CTNND2: variants seen among roughly 807,000 people sequenced by gnomAD.
The protein encoded by CTNND2 is catenin delta-2.
Under a neutral mutation model 144.4 loss-of-function variants are expected in CTNND2, and 22 were observed. The ratio of observed to expected loss-of-function variants is 0.15; its 90% confidence interval spans 0.11 to 0.22. The LOEUF (loss-of-function observed/expected upper bound fraction) is 0.22, where lower values mean the gene tolerates loss of function less well. Among genes scored for constraint, CTNND2 ranks in the 10% least tolerant of loss-of-function variants. The pLI is 1.00. For synonymous variants in CTNND2, 751 were observed against 695.6 expected (o/e 1.08, Z -1.25); for missense variants, 1,353 against 1,618.8 (o/e 0.84, Z 2.82).
At chr5:11,147,228 C>T (rs1186884769) in intron 12 of CTNND2, among the ~76,000 whole-genome samples, 1 of 152,142 alleles carries the variant, frequency 6.6e-6, no homozygotes, top group Non-Finnish European at 1.5e-5. Context: ...AAGAATATCC[C>T]TCCAAATTGT....
chr5:11,781,900 AC>A (rs1478265509), intron 1 of CTNND2, among the ~76,000 whole-genome samples: 1 of 152,248 alleles, frequency 6.6e-6, no homozygotes, highest in Admixed American at 6.5e-5. Context: ...ATGTGCCTAT[AC>A]TTGGGCATCA....
chr5:10,990,597 C>T (rs1738566823), intron 19 of CTNND2, among the ~76,000 whole-genome samples: 1 of 152,176 alleles, frequency 6.6e-6, no homozygotes, highest in Admixed American at 6.5e-5. Context: ...ATTTTAAAAC[C>T]TGTTGACCAC....
At chr5:11,185,444 TA>T (rs1309530199) in intron 11 of CTNND2, among the ~76,000 whole-genome samples, 3 of 152,234 alleles carry the variant, frequency 2.0e-5, no homozygotes, top group Non-Finnish European at 4.4e-5. Context: ...GGTCACCTTC[TA>T]AGCAGTCCCA....
At chr5:11,283,755 A>C (rs1747431437) in intron 9 of CTNND2, among the ~76,000 whole-genome samples, 1 of 151,060 alleles carries the variant, frequency 6.6e-6, no homozygotes, top group East Asian at 2.0e-4. Flanking sequence ...TGAAGAAGCT[A>C]ATTTAAACAA....
At chr5:11,632,845 C>T (rs1440474358) in intron 2 of CTNND2, among the ~76,000 whole-genome samples, 2 of 151,976 alleles carry the variant, frequency 1.3e-5, no homozygotes, top group Non-Finnish European at 2.9e-5. Flanking sequence ...TTAAGAAGTA[C>T]AATAGCTGAG....
At chr5:11,001,397 T>C (rs938445421) in intron 18 of CTNND2, among the ~76,000 whole-genome samples, 2 of 152,206 alleles carry the variant, frequency 1.3e-5, no homozygotes, top group Non-Finnish European at 2.9e-5. Flanking sequence ...ACTTTAGCAA[T>C]GCAGGCTGTC....
intron 3 of CTNND2, among the ~76,000 whole-genome samples, chr5:11,559,473 T>C (rs185212936): frequency 1.8e-4 from 27 of 152,352 alleles, no homozygotes; most frequent in African/African-American, 6.5e-4. Flanking sequence ...CGCTTTAAAC[T>C]GTGATCCCTT....
chr5:11,309,918 G>A (rs928829984), intron 9 of CTNND2, among the ~76,000 whole-genome samples: 3 of 151,994 alleles, frequency 2.0e-5, no homozygotes, highest in African/African-American at 7.3e-5. Context: ...TTCTTTTCCT[G>A]CCATGTAAGA....
chr5:11,520,477 G>C (rs1380029980), intron 3 of CTNND2, among the ~76,000 whole-genome samples: 3 of 152,246 alleles, frequency 2.0e-5, no homozygotes, highest in Admixed American at 1.3e-4. Context: ...CATGGGGGCA[G>C]AGTGAGGTGC....
At chr5:11,233,317 C>T (rs1013035099) in intron 10 of CTNND2, among the ~76,000 whole-genome samples, 2 of 152,178 alleles carry the variant, frequency 1.3e-5, no homozygotes, top group African/African-American at 2.4e-5. Flanking sequence ...ATGTTCTTGG[C>T]TTTATTATAT....
chr5:11,500,797 G>T (rs1770457064), intron 3 of CTNND2, among the ~76,000 whole-genome samples: 4 of 152,140 alleles, frequency 2.6e-5, no homozygotes, highest in Admixed American at 1.3e-4. Flanking sequence ...AGTAGATTAT[G>T]ATTTTATGTG....
chr5:11,816,526 T>A (rs1374094922), intron 1 of CTNND2, among the ~76,000 whole-genome samples: 1 of 149,454 alleles, frequency 6.7e-6, no homozygotes, highest in Non-Finnish European at 1.5e-5. Context: ...TTGGCTGGTG[T>A]TAGCATAACG....
chr5:11,579,534 C>T (rs761132092), intron 2 of CTNND2, among the ~76,000 whole-genome samples: 1 of 152,130 alleles, frequency 6.6e-6, no homozygotes, highest in Non-Finnish European at 1.5e-5. Flanking sequence ...AAAAGATTCA[C>T]ATTTAATCCA....
At chr5:11,411,883 T>C (rs985656586) in intron 4 of CTNND2, 152 bp downstream of exon 4, 10 of 715,512 alleles carry the variant, frequency 1.4e-5, no homozygotes, top group Admixed American at 5.1e-5. Flanking sequence ...TAACTCTCAA[T>C]AAATTGTGAA....
chr5:11,056,353 T>A (rs886322924), intron 16 of CTNND2, among the ~76,000 whole-genome samples: 5 of 152,208 alleles, frequency 3.3e-5, no homozygotes, highest in African/African-American at 1.2e-4. Flanking sequence ...AGAAAACAAA[T>A]GGAAATGAAT....
chr5:11,577,284 G>A (rs17220438), intron 2 of CTNND2, among the ~76,000 whole-genome samples: 1,526 of 152,348 alleles, frequency 0.01, 10 homozygotes, highest in Non-Finnish European at 0.015. Context: ...GCTGAATGAC[G>A]CAGTCAGGGA....
intron 1 of CTNND2, among the ~76,000 whole-genome samples, chr5:11,852,938 T>C (rs949671242): frequency 1.3e-5 from 2 of 152,228 alleles, no homozygotes; most frequent in African/African-American, 4.8e-5. Context: ...GACTGTCTTT[T>C]ACTTGCCTGT....
chr5:10,975,671 G>A (rs1736375988), intron 21 of CTNND2, among the ~76,000 whole-genome samples: 1 of 152,224 alleles, frequency 6.6e-6, no homozygotes, highest in Non-Finnish European at 1.5e-5. Flanking sequence ...TTGGAGGACA[G>A]GCCTCAAGGA....
intron 21 of CTNND2, among the ~76,000 whole-genome samples, chr5:10,980,186 G>T (rs559599512): frequency 7.3e-5 from 11 of 151,252 alleles, no homozygotes; most frequent in Admixed American, 7.3e-4. Flanking sequence ...AATCTATAAA[G>T]AACTTAAACA....
Sources: allele counts gnomAD v4.1 joint callset (sites outside exome capture counted in the v4.1 genomes callset), GRCh38; gene constraint gnomAD v4.1.1; transcripts MANE v1.5; gene names NCBI Gene and HGNC (gene_info 2026-07-23, HGNC 2026-07-21).